Variants in SYNE1 observed in about 807,000 individuals in gnomAD.
SYNE1 encodes nesprin-1.
SYNE1 carries 616 observed loss-of-function variants against 1,111.0 expected under a neutral mutation model. The observed-to-expected ratio is 0.55, with a 90% CI of 0.52 to 0.59. The LOEUF is 0.59. Ranked by LOEUF, SYNE1 falls within the 20% of genes least tolerant of loss-of-function variation. The pLI is 0.00. For missense variants in SYNE1, 10,006 were observed against 10,417.0 expected, an observed-to-expected ratio of 0.96 and a Z score of 1.72; for synonymous variants, 3,855 against 3,825.8, an observed-to-expected ratio of 1.01 and a Z score of -0.28.
At position 152,302,122 on chromosome 6, in the gene SYNE1, G is replaced by C. The variant is rs367713376; in HGVS notation, c.17347-59C>G. The stretch of plus-strand genomic sequence containing the variant: ...GCAGCATCAAAAGGAAACAGAAGTA[G>C]TAGCGTTCATCTTCCTGCAGGGCGA... On this transcript the variant is annotated intron_variant, in intron 91 of 145. Transcript: ENST00000367255. 8 of 1,608,162 alleles carry C rather than the reference G, an allele frequency of 5.0e-6. No homozygotes were observed. The East Asian group carries it at 1.1e-4, about 22-fold the overall frequency.
chr6:152,411,460 C>T (rs1043980884), intron 42 of SYNE1, among the ~76,000 whole-genome samples: 1 of 152,080 alleles, frequency 6.6e-6, no homozygotes, highest in Non-Finnish European at 1.5e-5. Flanking sequence ...ATTTTAAAAT[C>T]ATCTTGTCAA....
At chr6:152,353,557 G>A (rs1271464722) in intron 68 of SYNE1, 32 bp downstream of exon 68, 4 of 1,613,978 alleles carry the variant, frequency 2.5e-6, no homozygotes, top group South Asian at 1.1e-5. Flanking sequence ...GAAGTTTGCT[G>A]GTCTATGCTG....
chr6:152,129,102 C>T (rs2054553101), intron 145 of SYNE1: 2 of 152,252 alleles, frequency 1.3e-5, no homozygotes, highest in Non-Finnish European at 2.9e-5. Context: ...ATGTGGCTGT[C>T]CCAGCTGCAA....
intron 127 of SYNE1, among the ~76,000 whole-genome samples, chr6:152,195,717 C>T (rs891868876): frequency 2.4e-4 from 37 of 152,272 alleles, no homozygotes; most frequent in Admixed American, 2.6e-4. Context: ...TACAAGTACC[C>T]CTGTGGATCC....
At chr6:152,168,993 G>A (rs2153069281) in intron 130 of SYNE1, among the ~76,000 whole-genome samples, 1 of 152,126 alleles carries the variant, frequency 6.6e-6, no homozygotes, top group African/African-American at 2.4e-5. Context: ...CTAAGCAGAT[G>A]ATAATTTAAT....
intron 93 of SYNE1, 142 bp from the exon 94 acceptor site, chr6:152,294,269 T>C (rs1933941752): frequency 1.2e-6 from 1 of 811,484 alleles, no homozygotes; most frequent in Admixed American, 2.3e-5. Flanking sequence ...ATTAGTAAAC[T>C]CTTGTGACAA....
intron 3 of SYNE1, among the ~76,000 whole-genome samples, chr6:152,587,989 G>A (rs138743429): frequency 3.0e-4 from 46 of 152,256 alleles, no homozygotes; most frequent in East Asian, 2.1e-3. Context: ...GCTTGTAAAT[G>A]TTTTTCTGTT....
intron 92 of SYNE1, 37 bp from the exon 93 acceptor site, chr6:152,300,818 CA>C: frequency 1.2e-6 from 2 of 1,614,078 alleles, no homozygotes; most frequent in East Asian, 4.5e-5. Flanking sequence ...ACATGAAAAT[CA>C]ATTAGCTATG....
intron 15 of SYNE1, 183 bp downstream of exon 15, chr6:152,472,118 C>T (rs2098809154): frequency 4.8e-6 from 3 of 625,710 alleles, no homozygotes; most frequent in African/African-American, 3.7e-5. Context: ...CAGAGTCACT[C>T]TTTTCAGTTA....
chr6:152,416,130 C>A (rs1388545654), intron 41 of SYNE1, among the ~76,000 whole-genome samples: 1 of 152,100 alleles, frequency 6.6e-6, no homozygotes, highest in Admixed American at 6.6e-5. Context: ...CAGCACTTTA[C>A]CTAAGACAAG....
At chr6:152,505,962 T>A (rs376892707) in intron 8 of SYNE1, among the ~76,000 whole-genome samples, 2 of 152,226 alleles carry the variant, frequency 1.3e-5, no homozygotes, top group South Asian at 4.1e-4. Flanking sequence ...TGCAATTATA[T>A]CTCAAAGTGT....
chr6:152,276,907 C>T (rs1000622196), intron 98 of SYNE1, among the ~76,000 whole-genome samples: 11 of 121,838 alleles, frequency 9.0e-5, no homozygotes, highest in East Asian at 4.8e-4. Flanking sequence ...TTTTTTGAGA[C>T]GGCGTCTCCC....
rs767705064 is a variant in SYNE1, at chr6:152,309,966, G to A, written c.17071C>T (p.Leu5691Phe). The change falls in exon 90 of 146, where the codon CTC becomes TTC. Residue 5691 changes from leucine to phenylalanine, a missense_variant. Physicochemically the swap from Leu to Phe is conservative, Grantham distance 22 (BLOSUM62 0). Around this residue, in one of 7 missense-constraint regions of SYNE1, gnomAD observed 4,955 missense variants for 5,017.2 expected, o/e 0.99. Transcript: ENST00000367255. ...SLKPKVQAVQLCQSALRIPED... is the reference protein window; with the variant it reads ...SLKPKVQAVQFCQSALRIPED... ...GGGATCCGGAGGGCACTCTGGCAGA[G>A]CTGCACTGCTTGCACCTTCGGCTTC... is the stretch of plus-strand genomic sequence containing the variant. 56 of 1,614,050 alleles carry A rather than the reference G, an allele frequency of 3.5e-5. No homozygotes were observed. The highest frequency in any genetic ancestry group is 4.4e-5 in the Non-Finnish European group (52 of 1,180,056).
Position 152,174,544 on chromosome 6 carries a change from T to C in SYNE1, c.23627+1850A>G, listed in dbSNP as rs913389732. ...ACAGTCACTGTCACATTGTAAGTAC[T>C]TTACAAAGAACTGAGAAATTAGATT... is the stretch of plus-strand genomic sequence containing the variant. On this transcript the variant is annotated intron_variant, in intron 130 of 145. Coordinates refer to ENST00000367255, the MANE Select transcript of SYNE1 (RefSeq NM_182961.4). 2.6e-5 allele frequency among the ~76,000 whole-genome samples: 4 copies of C among 152,194 alleles called. No individual in the cohort carries two copies. In the South Asian group the frequency reaches 8.3e-4, roughly 31 times the overall value.
intron 47 of SYNE1, among the ~76,000 whole-genome samples, chr6:152,400,350 A>T (rs1415686072): frequency 2.0e-5 from 3 of 152,214 alleles, no homozygotes; most frequent in African/African-American, 7.2e-5. Flanking sequence ...TAGGAATGTT[A>T]TCTATTAATA....
At chr6:152,454,380 G>C (rs764455696) in intron 24 of SYNE1, among the ~76,000 whole-genome samples, 1 of 152,184 alleles carries the variant, frequency 6.6e-6, no homozygotes, top group Non-Finnish European at 1.5e-5. Flanking sequence ...GCGCTTATGA[G>C]GAGGGACACC....
intron 77 of SYNE1, among the ~76,000 whole-genome samples, chr6:152,333,196 G>C (rs568697941): frequency 6.6e-6 from 1 of 152,160 alleles, no homozygotes; most frequent in Non-Finnish European, 1.5e-5. Context: ...TCCAGTATGT[G>C]TGTGTGTGTT....
intron 53 of SYNE1, 88 bp from the exon 54 acceptor site, chr6:152,387,469 T>C: frequency 2.3e-6 from 3 of 1,332,808 alleles, no homozygotes; most frequent in Non-Finnish European, 3.2e-6. Context: ...TCCATGCCAA[T>C]TGTTTTATTG....
In SYNE1 at chr6:152,326,394, T is replaced by C; in HGVS notation, c.15195A>G (p.Pro5065=). ...LVATLDPLIK[P]TGKEDLEQKV... The stretch of plus-strand genomic sequence containing the variant: ...TCTGTTCTAGGTCTTCTTTGCCGGT[T>C]GGCTTGATGAGTGGGTCCAGGGTGG... The change falls in exon 79 of 146, where the codon CCA becomes CCG. Residue 5065 remains proline (P), a synonymous_variant. Transcript: ENST00000367255. 1 of 1,614,236 alleles carries C rather than the reference T, an allele frequency of 6.2e-7. No individual in the cohort carries two copies.
Sources: gnomAD v4.1 joint callset for allele counts (sites outside exome capture counted in the v4.1 genomes callset) on GRCh38, gnomAD v4.1.1 for gene constraint, gnomAD v4.1.1 regional missense constraint, MANE v1.5 for transcripts, NCBI Gene and HGNC (gene_info 2026-07-23, HGNC 2026-07-21) for gene names.